Variants in FAM117B observed in about 807,000 individuals in gnomAD.
FAM117B encodes protein FAM117B.
In FAM117B, 22 loss-of-function variants were observed where a neutral mutation model predicts 52.8. The observed-to-expected ratio is 0.42, with a 90% confidence interval of 0.30 to 0.59. The LOEUF is 0.59. Among genes scored for constraint, FAM117B ranks in the 20% least tolerant of loss-of-function variants. The pLI is 0.22. For missense variants in FAM117B, 678 were observed against 802.6 expected (o/e 0.84, Z 1.88); for synonymous variants, 309 against 324.1 (o/e 0.95, Z 0.50).
intron 1 of FAM117B, among the ~76,000 whole-genome samples, chr2:202,654,919 A>G (rs976683485): frequency 3.9e-5 from 6 of 151,966 alleles, no homozygotes; most frequent in African/African-American, 1.2e-4. Context: ...TGGGGCTGCT[A>G]TGAGTATACG....
intron 6 of FAM117B, 43 bp from the exon 7 acceptor site, chr2:202,759,190 G>T: frequency 6.2e-7 from 1 of 1,607,368 alleles, no homozygotes; most frequent in South Asian, 1.1e-5. Context: ...AATATAGTAT[G>T]ACTATACATT....
intron 4 of FAM117B, among the ~76,000 whole-genome samples, chr2:202,727,357 A>C (rs1348803018): frequency 6.6e-6 from 1 of 152,210 alleles, no homozygotes; most frequent in East Asian, 1.9e-4. Flanking sequence ...ATTAGAAAAC[A>C]GTCACTCTCA....
intron 1 of FAM117B, among the ~76,000 whole-genome samples, chr2:202,640,293 AAAATATATATAT>A (rs1368253664): frequency 0.018 from 1,084 of 61,642 alleles, 85 homozygotes; most frequent in Admixed American, 0.028. Flanking sequence ...CCACCACCAC[AAAATATATATAT>A]ATATATATAT....
At chr2:202,740,153 A>G (rs1691501636) in intron 4 of FAM117B, among the ~76,000 whole-genome samples, 1 of 129,324 alleles carries the variant, frequency 7.7e-6, no homozygotes, top group South Asian at 2.9e-4. Context: ...AGCCTGGAGG[A>G]CAGAGCGAGA....
chr2:202,722,726 G>A (rs1432055949), intron 2 of FAM117B, among the ~76,000 whole-genome samples: 1 of 151,866 alleles, frequency 6.6e-6, no homozygotes, highest in African/African-American at 2.4e-5. Context: ...ATGAGTACTA[G>A]GCTTAGTACC....
At chr2:202,659,952 T>TC (rs1286332974) in intron 1 of FAM117B, among the ~76,000 whole-genome samples, 155 of 152,130 alleles carry the variant, frequency 1.0e-3, no homozygotes, top group Middle Eastern at 3.4e-3. Flanking sequence ...CACCTTTTTT[T>TC]CACTCTTGTT....
chr2:202,682,383 C>T (rs7568438), intron 1 of FAM117B, among the ~76,000 whole-genome samples: 34,032 of 152,092 alleles, frequency 0.22, 4,535 homozygotes, highest in Middle Eastern at 0.31. Context: ...GATGGTGTCT[C>T]GGGGCTAGTA....
intron 7 of FAM117B, among the ~76,000 whole-genome samples, chr2:202,760,760 G>A (rs112372792): frequency 0.035 from 5,322 of 152,206 alleles, 118 homozygotes; most frequent in Middle Eastern, 0.065. Flanking sequence ...TCAGTAATAC[G>A]TATTTGTTTT....
At chr2:202,755,757 T>C in intron 5 of FAM117B, 76 bp downstream of exon 5, 1 of 1,422,168 alleles carries the variant, frequency 7.0e-7, no homozygotes, top group East Asian at 2.3e-5. Flanking sequence ...GTTTCCATAT[T>C]TACTTGGGTT....
chr2:202,645,752 C>T (rs192160933), intron 1 of FAM117B, among the ~76,000 whole-genome samples: 229 of 151,774 alleles, frequency 1.5e-3, no homozygotes, highest in African/African-American at 4.9e-3. Context: ...TGTAGGCGCG[C>T]GCCACCACGC....
At chr2:202,748,608 G>A (rs1194986148) in intron 4 of FAM117B, among the ~76,000 whole-genome samples, 1 of 151,850 alleles carries the variant, frequency 6.6e-6, no homozygotes, top group African/African-American at 2.4e-5. Context: ...TTAAAAAATG[G>A]GCAATCTGAC....
At chr2:202,718,759 G>C (rs1559108993) in intron 2 of FAM117B, among the ~76,000 whole-genome samples, 1 of 152,108 alleles carries the variant, frequency 6.6e-6, no homozygotes, top group Non-Finnish European at 1.5e-5. Context: ...CAGCGATCTA[G>C]TTTGTTTGGA....
intron 4 of FAM117B, among the ~76,000 whole-genome samples, chr2:202,736,923 T>A (rs1458255981): frequency 6.6e-6 from 1 of 151,990 alleles, no homozygotes; most frequent in African/African-American, 2.4e-5. Context: ...AAAAAAAAAA[T>A]TAATGCTATA....
At chr2:202,755,875 T>G (rs1691793384) in intron 5 of FAM117B, among the ~76,000 whole-genome samples, 194 bp downstream of exon 5, 1 of 152,340 alleles carries the variant, frequency 6.6e-6, no homozygotes, top group South Asian at 2.1e-4. Flanking sequence ...AGGCAACTGA[T>G]CTGACTTGAA....
intron 1 of FAM117B, among the ~76,000 whole-genome samples, chr2:202,670,847 A>G (rs1338000998): frequency 1.3e-5 from 2 of 152,254 alleles, no homozygotes; most frequent in African/African-American, 2.4e-5. Context: ...TCTGTTACCA[A>G]AAGACAGGAA....
intron 2 of FAM117B, among the ~76,000 whole-genome samples, chr2:202,718,551 C>T (rs1275198678): frequency 6.6e-6 from 1 of 152,058 alleles, no homozygotes; most frequent in Non-Finnish European, 1.5e-5. Flanking sequence ...GGGATAAATG[C>T]CACTTCGTTG....
chr2:202,757,535 G>A (rs967790901), intron 6 of FAM117B, 97 bp downstream of exon 6: 3 of 1,266,702 alleles, frequency 2.4e-6, no homozygotes, highest in Non-Finnish European at 2.2e-6. Flanking sequence ...ACACACTCGA[G>A]GCTACTCAGT....
rs549707652 is a variant in FAM117B, at chr2:202,676,290, G to C, written c.602-19591G>C. The stretch of plus-strand genomic sequence containing the variant: ...CAGCTGATACCTTGGTTGTATCTCT[G>C]TGGTAGACCCTGAGCCAGAGGCATC... On this transcript the variant is annotated intron_variant, in intron 1 of 7. Coordinates refer to ENST00000392238, the MANE Select transcript of FAM117B (RefSeq NM_173511.4). 2.6e-5 allele frequency among the ~76,000 whole-genome samples: 4 copies of C among 152,082 alleles called. No individual in the cohort carries two copies. The South Asian group carries it at 8.3e-4, about 32-fold the overall frequency.
intron 1 of FAM117B, among the ~76,000 whole-genome samples, chr2:202,674,099 C>G (rs562498758): frequency 7.2e-5 from 11 of 152,236 alleles, no homozygotes; most frequent in Admixed American, 3.9e-4. Context: ...TCATTAGCTG[C>G]TATCCATGGC....
Sources: gnomAD v4.1 joint callset for allele counts (sites outside exome capture counted in the v4.1 genomes callset) on GRCh38, gnomAD v4.1.1 for gene constraint, MANE v1.5 for transcripts, NCBI Gene and HGNC (gene_info 2026-07-23, HGNC 2026-07-21) for gene names.